Variants in DOP1B observed in about 807,000 individuals in gnomAD.
DOP1B encodes DOP1 leucine zipper like protein B, also known as protein DOP1B.
In DOP1B, 174 loss-of-function variants were observed where a neutral mutation model predicts 233.5. The observed-to-expected ratio is 0.75, with a 90% CI of 0.66 to 0.85. The LOEUF is 0.85. DOP1B is among the 40% of genes least tolerant of loss of function. The pLI is 0.00. For synonymous variants in DOP1B, 1,190 were observed against 1,185.6 expected, an observed-to-expected ratio of 1.00 and a Z score of -0.08; for missense variants, 2,652 against 2,846.6, an observed-to-expected ratio of 0.93 and a Z score of 1.56.
chr21:36,270,551 T>TAAA (rs1569063490), intron 27 of DOP1B, among the ~76,000 whole-genome samples: 1 of 18,874 alleles, frequency 5.3e-5, no homozygotes, highest in African/African-American at 2.2e-4. Context: ...AGACTCCGTC[T>TAAA]CAAAAAAAAA....
At chr21:36,232,500 C>T (rs1401129583) in intron 14 of DOP1B, among the ~76,000 whole-genome samples, 1 of 152,186 alleles carries the variant, frequency 6.6e-6, no homozygotes, top group Non-Finnish European at 1.5e-5. Flanking sequence ...TGCATCAGTC[C>T]CGTCTCTGCC....
At chr21:36,250,534 A>G (rs2067020525) in intron 21 of DOP1B, among the ~76,000 whole-genome samples, 1 of 152,196 alleles carries the variant, frequency 6.6e-6, no homozygotes, top group South Asian at 2.1e-4. Flanking sequence ...GGATTTAACT[A>G]CGGTGGGCAC....
chr21:36,246,187 G>T lies in DOP1B; in HGVS notation c.4207G>T (p.Gly1403Trp). The T allele has an allele frequency of 1.2e-6, 2 of 1,613,738 alleles. No individual in the cohort carries two copies. Among genetic ancestry groups the T allele is most frequent in the Non-Finnish European group, 1.7e-6 (2 of 1,180,016 alleles). ...ASMYTSQKRY[G>W]LATAHHGRAL... is the part of the protein sequence containing the mutation. Reference sequence around the variant, plus strand: ...CATGTACACGAGCCAGAAGCGCTACGGGCTGGCCACCGCCCACCACGGCAG... The same window carrying T: ...CATGTACACGAGCCAGAAGCGCTACTGGCTGGCCACCGCCCACCACGGCAG... The change falls in exon 19 of 37, where the codon GGG (glycine) becomes TGG (tryptophan). Residue 1403 changes from glycine to tryptophan, a missense_variant. Coordinates refer to ENST00000691173, the MANE Select transcript of DOP1B (RefSeq NM_001320714.2). The surrounding 1 kb of genome is among the most constrained non-coding windows in gnomAD (Gnocchi z 5.1).
intron 26 of DOP1B, among the ~76,000 whole-genome samples, chr21:36,267,414 T>G (rs2067242151): frequency 6.6e-6 from 1 of 152,202 alleles, no homozygotes; most frequent in African/African-American, 2.4e-5. Flanking sequence ...CTCTGTATAT[T>G]TTACCTACAT....
chr21:36,183,375 C>G (rs1306536066), intron 2 of DOP1B, among the ~76,000 whole-genome samples: 1 of 152,200 alleles, frequency 6.6e-6, no homozygotes, highest in Non-Finnish European at 1.5e-5. Flanking sequence ...CAATACATTG[C>G]TTCATTTAAA....
intron 26 of DOP1B, among the ~76,000 whole-genome samples, chr21:36,269,383 G>C (rs1037806222): frequency 6.6e-6 from 1 of 151,434 alleles, no homozygotes; most frequent in African/African-American, 2.4e-5. Flanking sequence ...TCAAACGCCT[G>C]ACCTCAGGTG....
chr21:36,199,050 T>C lies in DOP1B; in HGVS notation c.139-20T>C. 1 of 1,601,746 alleles carries C rather than the reference T, an allele frequency of 6.2e-7. No individual in the cohort carries two copies. Among genetic ancestry groups the C allele is most frequent in the Non-Finnish European group, 8.5e-7 (1 of 1,174,358 alleles). Reference sequence around the variant, plus strand: ...ATCGCTGCCTTCTTCCTCATGTGTTTTTTTTGTCTTGTTTGACAGGCTCTT... The same window carrying C: ...ATCGCTGCCTTCTTCCTCATGTGTTCTTTTTGTCTTGTTTGACAGGCTCTT... On this transcript the variant is annotated intron_variant, in intron 2 of 36. Coordinates refer to ENST00000691173, the MANE Select transcript of DOP1B (RefSeq NM_001320714.2).
At position 36,220,879 on chromosome 21, in the gene DOP1B, A is replaced by G. The variant is rs1350056550; in HGVS notation, c.1250+1387A>G. 3.3e-5 allele frequency among the ~76,000 whole-genome samples: 5 copies of G among 151,796 alleles called. No homozygotes were observed. The East Asian group carries it at 9.7e-4, about 29-fold the overall frequency. On this transcript the variant is annotated intron_variant, in intron 10 of 36. Transcript: ENST00000691173. ...AGGCTAGAGCACAGTGGCACCATCAATGGTCACTGCAGCCTTGAACTCCTG... is the reference window on the plus strand; with the variant it reads ...AGGCTAGAGCACAGTGGCACCATCAGTGGTCACTGCAGCCTTGAACTCCTG...
intron 8 of DOP1B, 74 bp from the exon 9 acceptor site, chr21:36,214,368 A>T: frequency 6.8e-6 from 10 of 1,466,270 alleles, no homozygotes; most frequent in Non-Finnish European, 9.3e-6. Context: ...GTATTTAACA[A>T]TTAGAATAGC....
At chr21:36,248,593 G>C in intron 21 of DOP1B, 25 bp downstream of exon 21, 1 of 1,584,414 alleles carries the variant, frequency 6.3e-7, no homozygotes, top group Non-Finnish European at 8.6e-7. Context: ...CTGTAGTTCT[G>C]TCATTTACTT....
intron 10 of DOP1B, among the ~76,000 whole-genome samples, chr21:36,221,909 G>A (rs1316904466): frequency 6.6e-6 from 1 of 152,096 alleles, no homozygotes; most frequent in Non-Finnish European, 1.5e-5. Context: ...GTCTCGCTCT[G>A]TACCCAGCCT....
At chr21:36,161,868 T>C (rs1421763858) in intron 1 of DOP1B, among the ~76,000 whole-genome samples, 1 of 152,222 alleles carries the variant, frequency 6.6e-6, no homozygotes, top group Non-Finnish European at 1.5e-5. Context: ...ATGTCTGGTC[T>C]TGTGTGTCTG....
chr21:36,163,094 C>T (rs939022898), intron 1 of DOP1B, among the ~76,000 whole-genome samples: 4 of 151,914 alleles, frequency 2.6e-5, no homozygotes, highest in Admixed American at 1.3e-4. Flanking sequence ...CGCCTGTAAT[C>T]CCGGCACTTT....
rs376863936 is a variant in DOP1B at position 36,238,709 on chromosome 21, G to T, written c.2876+8G>T. The T allele has an allele frequency of 3.1e-5, 50 of 1,613,808 alleles. No individual in the cohort carries two copies. The highest frequency in any genetic ancestry group is 4.2e-5 in the Non-Finnish European group (50 of 1,179,826). On this transcript the variant is annotated splice_region_variant and intron_variant, in intron 17 of 36. Transcript: ENST00000691173. ...CAATCGCTCCTTTGATAGGTGAGGC[G>T]GCCTTCGTTATGATCTACCGTTAAC...
At chr21:36,253,651 A>AG (rs2067056855) in intron 22 of DOP1B, 121 bp from the exon 23 acceptor site, 99 of 1,186,558 alleles carry the variant, frequency 8.3e-5, no homozygotes, top group Non-Finnish European at 1.0e-4. Context: ...AAAAAAAAAA[A>AG]AGAGATGAAA....
At chr21:36,186,328 G>A (rs1482747518) in intron 2 of DOP1B, among the ~76,000 whole-genome samples, 2 of 152,184 alleles carry the variant, frequency 1.3e-5, no homozygotes, top group African/African-American at 2.4e-5. Context: ...ATGTGTACAC[G>A]TGTGGGATGT....
intron 2 of DOP1B, among the ~76,000 whole-genome samples, chr21:36,167,395 G>A (rs1307307394): frequency 3.3e-5 from 5 of 152,166 alleles, no homozygotes; most frequent in Admixed American, 2.6e-4. Flanking sequence ...GGCTGGTCTC[G>A]AACTCCTGAC....
At chr21:36,237,513 G>A in intron 16 of DOP1B, 99 bp downstream of exon 16, 1 of 1,452,182 alleles carries the variant, frequency 6.9e-7, no homozygotes, top group South Asian at 1.2e-5. Flanking sequence ...GTCTTTCTGG[G>A]GCTGAGTGGA....
At chr21:36,183,153 G>A (rs1352625012) in intron 2 of DOP1B, among the ~76,000 whole-genome samples, 1 of 152,172 alleles carries the variant, frequency 6.6e-6, no homozygotes, top group Non-Finnish European at 1.5e-5. Flanking sequence ...GAGTAGCTGG[G>A]ATCACAGGTG....
Sources: allele counts gnomAD v4.1 joint callset (sites outside exome capture counted in the v4.1 genomes callset), GRCh38; gene constraint gnomAD v4.1.1; non-coding constraint Gnocchi (gnomAD v3.1); transcripts MANE v1.5; gene names NCBI Gene and HGNC (gene_info 2026-07-23, HGNC 2026-07-21).